Variants in SYNE1 observed in about 807,000 individuals in gnomAD.
SYNE1 encodes the protein nesprin-1.
SYNE1 carries 616 observed loss-of-function variants against 1,111.0 expected under a neutral mutation model. The observed-to-expected ratio is 0.55, with a 90% CI of 0.52 to 0.59. The LOEUF is 0.59. SYNE1 is among the 20% of genes least tolerant of loss of function. The pLI, the probability that SYNE1 is intolerant of heterozygous loss-of-function variation, is 0.00. For missense variants in SYNE1, 10,006 were observed against 10,417.0 expected, an observed-to-expected ratio of 0.96 and a Z score of 1.72; for synonymous variants, 3,855 against 3,825.8, an observed-to-expected ratio of 1.01 and a Z score of -0.28.
chr6:152,461,655 T>C lies in SYNE1; in HGVS notation c.2336A>G (p.Gln779Arg). ...TAHLITKESP[Q>R]EEGKEMFATM... ...CGCAAACATTTCTTTTCCTTCTTCTTGGGGGCTTTCTTTGGTAATGAGGTG... is the reference window on the plus strand; with the variant it reads ...CGCAAACATTTCTTTTCCTTCTTCTCGGGGGCTTTCTTTGGTAATGAGGTG... The change falls in exon 21 of 146, where the codon CAA (glutamine) becomes CGA (arginine). Residue 779 changes from glutamine (Q) to arginine (R), a missense_variant. By Grantham distance (43) the Gln-to-Arg change is conservative. Transcript: ENST00000367255. 1.2e-6 allele frequency: 2 copies of C among 1,614,040 alleles called. No homozygotes were observed. The highest frequency in any genetic ancestry group is 1.7e-6 in the Non-Finnish European group (2 of 1,179,956).
At chr6:152,528,878 G>A (rs183695256) in intron 4 of SYNE1, among the ~76,000 whole-genome samples, 8 of 152,282 alleles carry the variant, frequency 5.3e-5, no homozygotes, top group African/African-American at 1.9e-4. Flanking sequence ...TTATGGGTTT[G>A]TGTATTATTC....
chr6:152,309,701 T>C (rs533797684), intron 90 of SYNE1, 134 bp downstream of exon 90: 118 of 1,189,220 alleles, frequency 9.9e-5, no homozygotes, highest in Admixed American at 1.0e-4. Flanking sequence ...AATCTCCTTA[T>C]TTTATAAAAC....
chr6:152,500,533 C>G (rs939253935), intron 10 of SYNE1, among the ~76,000 whole-genome samples: 5 of 152,118 alleles, frequency 3.3e-5, no homozygotes, highest in Non-Finnish European at 7.4e-5. Context: ...CAGTAGTTAC[C>G]TCTATTTTGC....
intron 115 of SYNE1, among the ~76,000 whole-genome samples, chr6:152,230,036 AT>A (rs34395309): frequency 4.0e-5 from 6 of 150,546 alleles, no homozygotes; most frequent in African/African-American, 9.8e-5. Context: ...AATTTAGGCA[AT>A]TTTTTTTTTC....
intron 3 of SYNE1, among the ~76,000 whole-genome samples, chr6:152,609,946 C>T (rs1360866925): frequency 6.6e-6 from 1 of 152,188 alleles, no homozygotes. Flanking sequence ...AGGAACAGCA[C>T]CAGCATTAAC....
chr6:152,139,707 AAAAG>A (rs982574885), intron 140 of SYNE1, among the ~76,000 whole-genome samples: 1 of 74,080 alleles, frequency 1.3e-5, no homozygotes, highest in Non-Finnish European at 2.5e-5. Context: ...AGAGAAAAAG[AAAAG>A]AAAGAAAAAG....
intron 24 of SYNE1, 22 bp from the exon 25 acceptor site, chr6:152,453,742 G>T (rs771258822): frequency 5.6e-6 from 9 of 1,614,002 alleles, no homozygotes; most frequent in South Asian, 1.1e-5. Flanking sequence ...GGGGAAAGTG[G>T]GTAAGAGTGT....
At chr6:152,323,445 CAAACA>C in intron 82 of SYNE1, 28 bp downstream of exon 82, 3 of 1,606,836 alleles carry the variant, frequency 1.9e-6, no homozygotes, top group Non-Finnish European at 8.5e-7. Flanking sequence ...AACAAACAAA[CAAACA>C]AAAGAATGAA....
intron 138 of SYNE1, 123 bp from the exon 139 acceptor site, chr6:152,141,452 C>G: frequency 1.5e-6 from 2 of 1,355,210 alleles, no homozygotes; most frequent in Non-Finnish European, 2.1e-6. Context: ...CTCTGTGCCA[C>G]CCTGCTAAAA....
At chr6:152,162,895 T>G (rs928639655) in intron 131 of SYNE1, among the ~76,000 whole-genome samples, 2 of 152,070 alleles carry the variant, frequency 1.3e-5, no homozygotes, top group Admixed American at 6.6e-5. Flanking sequence ...AGAAAAAAAT[T>G]TTAATGATAA....
intron 130 of SYNE1, chr6:152,167,650 T>A (rs1295043237): frequency 2.3e-6 from 1 of 443,950 alleles, no homozygotes; most frequent in East Asian, 5.7e-5. Context: ...ACACACAGCA[T>A]TTTCTAGAGC....
rs55838073 is a variant in SYNE1, at chr6:152,471,468, C to T, written c.1632+129G>A. On this transcript the variant is annotated intron_variant, in intron 16 of 145. Transcript: ENST00000367255. ...TTCTGAAAAGCTCATAAACTTGTAT[C>T]TAACCCATTTAACACACGCTATCTT... 548 of 853,254 alleles carry T rather than the reference C, an allele frequency of 6.4e-4. 1 individual carries two copies. The African/African-American group carries it at 8.7e-3, about 14-fold the overall frequency. 52.9% of individuals were successfully genotyped at this position (853,254 alleles called of 1,614,324 possible). A position where few individuals can be genotyped will look rare whatever the true frequency, so the allele number is the denominator to read the frequency against.
chr6:152,405,566 C>A (rs1304033417), intron 45 of SYNE1, among the ~76,000 whole-genome samples: 1 of 152,176 alleles, frequency 6.6e-6, no homozygotes. Context: ...TTCAATGGAA[C>A]TTATTTTGTA....
intron 3 of SYNE1, among the ~76,000 whole-genome samples, chr6:152,607,539 C>T (rs2099619441): frequency 6.6e-6 from 1 of 151,886 alleles, no homozygotes; most frequent in Non-Finnish European, 1.5e-5. Context: ...AGTCAAGAAA[C>T]AACAGATGCT....
intron 105 of SYNE1, among the ~76,000 whole-genome samples, chr6:152,247,754 C>T (rs56000042): frequency 0.077 from 8,881 of 115,244 alleles, 308 homozygotes; most frequent in Admixed American, 0.12. Flanking sequence ...TATATATACA[C>T]ACACACACAC....
At chr6:152,333,262 G>T (rs758386922) in intron 77 of SYNE1, among the ~76,000 whole-genome samples, 16 of 151,976 alleles carry the variant, frequency 1.1e-4, no homozygotes, top group Non-Finnish European at 1.0e-4. Context: ...AATCACAAAA[G>T]ACACAAATTA....
At chr6:152,328,773 T>C (rs2096161342) in intron 78 of SYNE1, among the ~76,000 whole-genome samples, 2 of 152,168 alleles carry the variant, frequency 1.3e-5, no homozygotes, top group Non-Finnish European at 2.9e-5. Flanking sequence ...ATTAGGCCAA[T>C]CTGGGAAGTT....
intron 131 of SYNE1, among the ~76,000 whole-genome samples, chr6:152,159,025 C>A (rs1198874389): frequency 6.6e-6 from 1 of 152,174 alleles, no homozygotes; most frequent in Admixed American, 6.5e-5. Flanking sequence ...AATCTCGGCT[C>A]ACTGCAACCT....
chr6:152,145,577 A>G (rs1284270457), intron 137 of SYNE1: 7 of 1,607,846 alleles, frequency 4.4e-6, no homozygotes, highest in Non-Finnish European at 6.0e-6. Flanking sequence ...GCACAGTCTA[A>G]GTTGACAGCT....
Sources: gnomAD v4.1 joint callset for allele counts (sites outside exome capture counted in the v4.1 genomes callset) on GRCh38, gnomAD v4.1.1 for gene constraint, MANE v1.5 for transcripts, NCBI Gene and HGNC (gene_info 2026-07-23, HGNC 2026-07-21) for gene names.